The following CACNA2D3 variants were observed in gnomAD, a reference collection of about 807,000 sequenced individuals.
CACNA2D3 encodes voltage-dependent calcium channel subunit alpha-2/delta-3.
In CACNA2D3, 60 loss-of-function variants were observed where a neutral mutation model predicts 160.6. That is an observed-to-expected ratio of 0.37 (90% CI 0.30 to 0.46). The LOEUF is 0.46. Among genes scored for constraint, CACNA2D3 ranks in the 20% least tolerant of loss-of-function variants. The pLI is 1.00. For missense variants in CACNA2D3, 1,205 were observed against 1,365.0 expected (o/e 0.88, Z 1.85); for synonymous variants, 558 against 492.9 (o/e 1.13, Z -1.75).
At chr3:54,451,229 CTTTTTTTTTTTTTTTT>C (rs71074970) in intron 4 of CACNA2D3, among the ~76,000 whole-genome samples, 6 of 51,754 alleles carry the variant, frequency 1.2e-4, no homozygotes, top group African/African-American at 2.6e-4. Context: ...ATATAATAAT[CTTTTTTTTTTTTTTTT>C]TTTTTTTTTT....
At chr3:55,021,713 G>A (rs1193391935) in intron 35 of CACNA2D3, among the ~76,000 whole-genome samples, 2 of 137,158 alleles carry the variant, frequency 1.5e-5, no homozygotes, top group African/African-American at 3.3e-5. Context: ...ATATATGTGT[G>A]TGTATATATA....
intron 6 of CACNA2D3, 48 bp from the exon 7 acceptor site, chr3:54,569,747 T>C: frequency 7.1e-7 from 1 of 1,410,632 alleles, no homozygotes; most frequent in Non-Finnish European, 9.8e-7. Context: ...ATGCTATGAA[T>C]AAATATTTGA....
chr3:54,265,675 T>TATATATA (rs1559901434), intron 2 of CACNA2D3, among the ~76,000 whole-genome samples: 2 of 144,080 alleles, frequency 1.4e-5, no homozygotes, highest in African/African-American at 5.0e-5. Context: ...ATATAGTGTG[T>TATATATA]GTATATATAT....
At chr3:54,360,341 T>A (rs1698720552) in intron 3 of CACNA2D3, among the ~76,000 whole-genome samples, 1 of 152,220 alleles carries the variant, frequency 6.6e-6, no homozygotes, top group African/African-American at 2.4e-5. Context: ...AAACTATATA[T>A]GCAAACAAAA....
chr3:54,808,109 G>A (rs1168413121), intron 13 of CACNA2D3, among the ~76,000 whole-genome samples: 1 of 150,716 alleles, frequency 6.6e-6, no homozygotes, highest in African/African-American at 2.4e-5. Flanking sequence ...AATGCTAAAT[G>A]ATGAGTTAAT....
At chr3:54,747,321 C>G (rs72872300) in intron 11 of CACNA2D3, among the ~76,000 whole-genome samples, 29,731 of 152,022 alleles carry the variant, frequency 0.2, 3,141 homozygotes, top group African/African-American at 0.24. Context: ...TGAGGACTCT[C>G]ACTGCCCTGG....
chr3:54,799,963 A>C (rs1921547), intron 13 of CACNA2D3, among the ~76,000 whole-genome samples: 48,395 of 152,048 alleles, frequency 0.32, 8,302 homozygotes, highest in Non-Finnish European at 0.39. Flanking sequence ...ATAGACCTAC[A>C]TTGGCTCCAA....
At chr3:54,843,430 A>G (rs181558964) in intron 16 of CACNA2D3, among the ~76,000 whole-genome samples, 13 of 152,312 alleles carry the variant, frequency 8.5e-5, no homozygotes, top group Admixed American at 3.9e-4. Context: ...CTTGGGTAGC[A>G]GGCACTGTGA....
intron 3 of CACNA2D3, among the ~76,000 whole-genome samples, chr3:54,383,350 T>A (rs1219677047): frequency 2.0e-5 from 3 of 152,038 alleles, no homozygotes; most frequent in Non-Finnish European, 4.4e-5. Flanking sequence ...TCTCAGAAAA[T>A]GTAGGCCTGT....
At chr3:54,355,151 C>CTCTAACCCTAACACA (rs1426496315) in intron 3 of CACNA2D3, among the ~76,000 whole-genome samples, 1 of 152,176 alleles carries the variant, frequency 6.6e-6, no homozygotes, top group African/African-American at 2.4e-5. Flanking sequence ...CAGGGGCAGT[C>CTCTAACCCTAACACA]TCTCTGCAGA....
intron 35 of CACNA2D3, 79 bp downstream of exon 35, chr3:55,018,396 T>G (rs2107157819): frequency 2.5e-6 from 2 of 813,284 alleles, no homozygotes; most frequent in East Asian, 5.2e-5. Context: ...CTGTGTGACT[T>G]GCAGGCACAG....
intron 27 of CACNA2D3, among the ~76,000 whole-genome samples, chr3:54,930,819 A>C (rs13319877): frequency 6.6e-6 from 1 of 152,136 alleles, no homozygotes; most frequent in African/African-American, 2.4e-5. Flanking sequence ...ATCTTGGCCA[A>C]GCATGGTGGC....
chr3:54,259,174 G>A (rs10049263), intron 2 of CACNA2D3, among the ~76,000 whole-genome samples: 39,755 of 152,160 alleles, frequency 0.26, 5,863 homozygotes, highest in African/African-American at 0.4. Context: ...GGCTAGGCCA[G>A]TCAGAGCCTT....
At chr3:54,295,283 G>T (rs942215731) in intron 2 of CACNA2D3, among the ~76,000 whole-genome samples, 14 of 152,180 alleles carry the variant, frequency 9.2e-5, no homozygotes, top group African/African-American at 3.1e-4. Flanking sequence ...GGAGTGTGGA[G>T]TATGGAGAGC....
chr3:54,636,541 C>T (rs1699376045), intron 10 of CACNA2D3, among the ~76,000 whole-genome samples: 1 of 151,848 alleles, frequency 6.6e-6, no homozygotes, highest in African/African-American at 2.4e-5. Context: ...ATTTTTAGGG[C>T]CTCTAAAAGT....
chr3:54,824,605 C>A (rs1703711194), intron 14 of CACNA2D3, among the ~76,000 whole-genome samples: 1 of 152,096 alleles, frequency 6.6e-6, no homozygotes, highest in Non-Finnish European at 1.5e-5. Flanking sequence ...AGTGGAGGCC[C>A]CACCTGCCAG....
chr3:54,172,202 G>T (rs1700587022), intron 2 of CACNA2D3, among the ~76,000 whole-genome samples: 1 of 152,172 alleles, frequency 6.6e-6, no homozygotes, highest in South Asian at 2.1e-4. Flanking sequence ...ACTCTCCGTG[G>T]GCTGCCAGTG....
intron 2 of CACNA2D3, among the ~76,000 whole-genome samples, chr3:54,182,365 T>C (rs1175822551): frequency 6.6e-6 from 1 of 152,228 alleles, no homozygotes; most frequent in Non-Finnish European, 1.5e-5. Context: ...TCACCCTTTA[T>C]TGTAAGCATA....
intron 2 of CACNA2D3, among the ~76,000 whole-genome samples, chr3:54,126,850 T>C (rs986800902): frequency 6.6e-6 from 1 of 152,248 alleles, no homozygotes; most frequent in African/African-American, 2.4e-5. Context: ...TGATTTGATA[T>C]ATCCATGCCA....
Sources: allele counts gnomAD v4.1 joint callset (sites outside exome capture counted in the v4.1 genomes callset), GRCh38; gene constraint gnomAD v4.1.1; transcripts MANE v1.5; gene names NCBI Gene and HGNC (gene_info 2026-07-23, HGNC 2026-07-21).